PTPDC1: variants seen among roughly 807,000 people sequenced by gnomAD.
PTPDC1 encodes protein tyrosine phosphatase domain containing 1, also known as protein tyrosine phosphatase domain-containing protein 1.
PTPDC1 carries 53 observed loss-of-function variants against 75.3 expected under a neutral mutation model. That is an observed-to-expected ratio of 0.70 (90% CI 0.56 to 0.88). The LOEUF is 0.88. PTPDC1 is among the 40% of genes least tolerant of loss of function. The pLI, the probability that PTPDC1 is intolerant of heterozygous loss-of-function variation, is 0.00. For missense variants in PTPDC1, 925 were observed against 998.6 expected, an observed-to-expected ratio of 0.93 and a Z score of 0.99; for synonymous variants, 349 against 366.2, an observed-to-expected ratio of 0.95 and a Z score of 0.54.
intron 2 of PTPDC1, among the ~76,000 whole-genome samples, chr9:94,066,925 C>T (rs1407608740): frequency 6.6e-6 from 1 of 151,976 alleles, no homozygotes; most frequent in East Asian, 1.9e-4. Flanking sequence ...CAAAAGTATA[C>T]AGAATAAAAT....
At chr9:94,103,128 A>G (rs998009030) in intron 7 of PTPDC1, among the ~76,000 whole-genome samples, 3 of 152,218 alleles carry the variant, frequency 2.0e-5, no homozygotes, top group African/African-American at 7.2e-5. Flanking sequence ...GCACACACAC[A>G]CATACACTCA....
intron 1 of PTPDC1, among the ~76,000 whole-genome samples, chr9:94,056,836 G>A (rs1032010810): frequency 2.0e-5 from 3 of 152,136 alleles, no homozygotes. Context: ...GTACTAATTA[G>A]TGAGTGTGTG....
intron 2 of PTPDC1, among the ~76,000 whole-genome samples, chr9:94,068,070 GA>G (rs1254735333): frequency 1.3e-5 from 2 of 152,004 alleles, no homozygotes; most frequent in Non-Finnish European, 2.9e-5. Flanking sequence ...AGTCTAGTCA[GA>G]TTTTTTTTAA....
chr9:94,104,795 G>C (rs754493705), intron 8 of PTPDC1, among the ~76,000 whole-genome samples: 1 of 152,146 alleles, frequency 6.6e-6, no homozygotes, highest in Non-Finnish European at 1.5e-5. Flanking sequence ...TGCTAATTCA[G>C]TACTGAGTCC....
chr9:94,064,400 G>A (rs947439373), intron 1 of PTPDC1, among the ~76,000 whole-genome samples: 2 of 152,090 alleles, frequency 1.3e-5, no homozygotes, highest in Non-Finnish European at 2.9e-5. Flanking sequence ...ATAATTTTTG[G>A]TTTTTTGACA....
At position 94,088,238 on chromosome 9, in the gene PTPDC1, T is replaced by C. The variant is rs763654984; in HGVS notation, c.591T>C (p.Leu197=). 1 of 1,613,928 alleles carries C rather than the reference T, an allele frequency of 6.2e-7. No homozygotes were observed. The part of the protein sequence containing the change: ...PLEQESGFTY[L]PEAFMEAGIY... ...AACAAGAAAGTGGCTTCACATACCTTCCTGAGGCTTTCATGGAGGCTGGCA... is the reference window on the plus strand; with the variant it reads ...AACAAGAAAGTGGCTTCACATACCTCCCTGAGGCTTTCATGGAGGCTGGCA... The change falls in exon 4 of 9, where the codon CTT becomes CTC. Residue 197 remains leucine (L), a synonymous_variant. Coordinates refer to ENST00000620992, the MANE Select transcript of PTPDC1 (RefSeq NM_001253829.2).
intron 1 of PTPDC1, among the ~76,000 whole-genome samples, chr9:94,035,204 A>G (rs1279934534): frequency 1.3e-5 from 2 of 152,212 alleles, no homozygotes; most frequent in Non-Finnish European, 2.9e-5. Flanking sequence ...AGAAGTTTGC[A>G]ATATAATGTA....
Position 94,098,458 on chromosome 9 carries a change from ACT to A in PTPDC1, c.1895_1896del (p.Ser632CysfsTer5). 1 of 1,614,154 alleles carries A rather than the reference ACT, an allele frequency of 6.2e-7. No individual in the cohort carries two copies. The highest frequency in any genetic ancestry group is 8.5e-7 in the Non-Finnish European group (1 of 1,180,026). On this transcript the variant is annotated frameshift_variant, in exon 6 of 9. Coordinates refer to ENST00000620992, the MANE Select transcript of PTPDC1 (RefSeq NM_001253829.2). LOFTEE classifies it high-confidence loss of function. ...AAAGATCTGTCTGAAGCAGCTTCAC[ACT>A]CTGCATTACAGTCTGAATTGAGTGC...
intron 1 of PTPDC1, chr9:94,038,160 C>T: frequency 1.5e-6 from 1 of 649,788 alleles, no homozygotes; most frequent in South Asian, 1.6e-5. Context: ...ACAGGTCAGG[C>T]CGTTGGATTC....
chr9:94,080,848 T>C (rs1826853255), upstream of PTPDC1, among the ~76,000 whole-genome samples: 1 of 152,212 alleles, frequency 6.6e-6, no homozygotes, highest in Non-Finnish European at 1.5e-5. Context: ...TAGTAATATC[T>C]CAACCATAAT....
chr9:94,093,411 C>T lies in PTPDC1; in HGVS notation c.617-1906C>T, dbSNP rs1182060296. Among the ~76,000 whole-genome samples, 245 of 147,302 alleles carry T rather than the reference C, an allele frequency of 1.7e-3. 4 individuals are homozygous for T. Among genetic ancestry groups the T allele is most frequent in the African/African-American group, 6.0e-3 (237 of 39,530 alleles). ...TTTCTTTAAGAATGTTGAATATTGG[C>T]CCCCACTCTCTTCTGGCTTGTAGGG... On this transcript the variant is annotated intron_variant, in intron 4 of 8. Transcript: ENST00000620992.
chr9:94,081,985 G>C (rs1018291857), upstream of PTPDC1, among the ~76,000 whole-genome samples: 2 of 152,146 alleles, frequency 1.3e-5, no homozygotes, highest in Non-Finnish European at 2.9e-5. Context: ...CAACACTAGA[G>C]AACATTTGAA....
At position 94,095,435 on chromosome 9, in the gene PTPDC1, T is replaced by A; in HGVS notation, c.735T>A (p.His245Gln). The A allele has an allele frequency of 6.2e-7, 1 of 1,613,644 alleles. No homozygotes were observed. The highest frequency in any genetic ancestry group is 8.5e-7 in the Non-Finnish European group (1 of 1,179,756). The change falls in exon 5 of 9, where the codon CAT (histidine) becomes CAA (glutamine). Residue 245 changes from histidine (H) to glutamine (Q), a missense_variant. Coordinates refer to ENST00000620992, the MANE Select transcript of PTPDC1 (RefSeq NM_001253829.2). ...AAGGAAAAGTAGCTATCCATTGTCA[T>A]GCAGGGCTTGGTCGAACAGGTAGGT... ...LQEGKVAIHC[H>Q]AGLGRTGVLI...
rs148827456 is a variant in PTPDC1, at chr9:94,061,803, T to C, written c.-6-2931T>C. On this transcript the variant is annotated intron_variant, in intron 1 of 9. Coordinates refer to the PTPDC1 transcript ENST00000375360. ...GGGCATAGCCCACAGAACCATCCTT[T>C]CCTCCTAGGCCTCTGAGCCTGTGTT... is the stretch of plus-strand genomic sequence containing the variant. 3.6e-3 allele frequency among the ~76,000 whole-genome samples: 555 copies of C among 152,338 alleles called. 4 individuals are homozygous for C. Among genetic ancestry groups the C allele is most frequent in the African/African-American group, 0.013 (534 of 41,578 alleles).
chr9:94,044,543 C>T (rs2118421132), intron 1 of PTPDC1, among the ~76,000 whole-genome samples: 1 of 152,146 alleles, frequency 6.6e-6, no homozygotes, highest in South Asian at 2.1e-4. Flanking sequence ...TAAGTGAGAA[C>T]ATGTGGCCTG....
chr9:94,107,791 G>C, intron 8 of PTPDC1, 37 bp from the exon 9 acceptor site: 8 of 1,234,582 alleles, frequency 6.5e-6, no homozygotes, highest in Non-Finnish European at 9.1e-6. Flanking sequence ...TCAAATTCTT[G>C]TTACAGTGTC....
At chr9:94,095,237 A>AAC in intron 4 of PTPDC1, 80 bp from the exon 5 acceptor site, 2 of 1,099,146 alleles carry the variant, frequency 1.8e-6, no homozygotes, top group South Asian at 1.4e-5. Context: ...CTCAGTGTAG[A>AAC]TCTGTGTACT....
At chr9:94,094,563 T>G (rs1229633155) in intron 4 of PTPDC1, among the ~76,000 whole-genome samples, 2 of 152,172 alleles carry the variant, frequency 1.3e-5, no homozygotes, top group African/African-American at 2.4e-5. Flanking sequence ...AGGTGGAGCC[T>G]ATAGAGGCAG....
intron 2 of PTPDC1, among the ~76,000 whole-genome samples, chr9:94,086,474 A>G (rs1285374300): frequency 3.3e-5 from 5 of 152,158 alleles, no homozygotes; most frequent in African/African-American, 1.2e-4. Context: ...GTTAAACCAT[A>G]TGCCTTCTTT....
Sources: allele counts gnomAD v4.1 joint callset (sites outside exome capture counted in the v4.1 genomes callset), GRCh38; gene constraint gnomAD v4.1.1; transcripts MANE v1.5; gene names NCBI Gene and HGNC (gene_info 2026-07-23, HGNC 2026-07-21).